Variants in SOX5 observed in about 807,000 individuals in gnomAD.
The protein encoded by SOX5 is transcription factor SOX-5.
A neutral mutation model predicts 92.0 loss-of-function variants in SOX5; 9 were observed. The ratio of observed to expected loss-of-function variants is 0.10; its 90% CI spans 0.06 to 0.17. SOX5 has a LOEUF of 0.17. SOX5 is among the 10% of genes least tolerant of loss of function. The pLI, the probability that SOX5 is intolerant of heterozygous loss-of-function variation, is 1.00. For synonymous variants in SOX5, 344 were observed against 336.3 expected (o/e 1.02, Z -0.25); for missense variants, 642 against 944.5 (o/e 0.68, Z 4.20).
chr12:24,339,163 C>CCACACACACACACACACACA (rs56243419), intron 2 of SOX5, among the ~76,000 whole-genome samples: 18 of 140,382 alleles, frequency 1.3e-4, no homozygotes, highest in Admixed American at 2.9e-4. Flanking sequence ...TCTCTCTCTG[C>CCACACACACACACACACACA]CACACACACA....
intron 1 of SOX5, among the ~76,000 whole-genome samples, chr12:24,507,012 G>C (rs555460350): frequency 3.5e-4 from 53 of 151,674 alleles, no homozygotes; most frequent in Non-Finnish European, 7.2e-4. Flanking sequence ...GGATGGTCTC[G>C]ATTTCCTGAC....
At chr12:24,215,978 A>C (rs1400294449) in intron 3 of SOX5, among the ~76,000 whole-genome samples, 2 of 152,206 alleles carry the variant, frequency 1.3e-5, no homozygotes, top group Non-Finnish European at 2.9e-5. Flanking sequence ...ATTTTTGATA[A>C]GGTTGCCCAG....
At chr12:24,512,283 C>G (rs1949394593) in intron 1 of SOX5, among the ~76,000 whole-genome samples, 1 of 152,164 alleles carries the variant, frequency 6.6e-6, no homozygotes, top group African/African-American at 2.4e-5. Context: ...CTTGATCTAT[C>G]TACTACTGGA....
At chr12:23,781,656 A>G (rs2095281954) in intron 3 of SOX5, among the ~76,000 whole-genome samples, 1 of 151,662 alleles carries the variant, frequency 6.6e-6, no homozygotes, top group Non-Finnish European at 1.5e-5. Flanking sequence ...GCACATTATA[A>G]TGTGTTGTAC....
Position 24,086,940 on chromosome 12 carries a change from C to T in SOX5, c.-2+126403G>A, listed in dbSNP as rs146734463. Among the ~76,000 whole-genome samples the T allele has an allele frequency of 3.4e-3, 524 of 152,110 alleles. 6 individuals carry two copies. The highest frequency in any genetic ancestry group is 0.012 in the African/African-American group (498 of 41,530). On this transcript the variant is annotated intron_variant, in intron 4 of 4. Coordinates refer to the SOX5 transcript ENST00000446891. ...CACAAGTGGTATTTCAACAATAGTT[C>T]GGAATGTACCAATCAAAAAGAGGGT... is the stretch of plus-strand genomic sequence containing the variant.
At chr12:24,360,985 T>C (rs1235945225) in intron 2 of SOX5, among the ~76,000 whole-genome samples, 3 of 152,144 alleles carry the variant, frequency 2.0e-5, no homozygotes, top group Admixed American at 6.5e-5. Flanking sequence ...GATGACAAAA[T>C]TGAAAGACGC....
At chr12:23,848,761 T>C (rs1306714599) in intron 2 of SOX5, among the ~76,000 whole-genome samples, 2 of 152,194 alleles carry the variant, frequency 1.3e-5, no homozygotes, top group African/African-American at 4.8e-5. Flanking sequence ...CAGCAATATC[T>C]ATTTAATCAA....
intron 2 of SOX5, among the ~76,000 whole-genome samples, chr12:24,362,176 T>C (rs1298424429): frequency 6.6e-6 from 1 of 152,184 alleles, no homozygotes; most frequent in African/African-American, 2.4e-5. Context: ...GTATATTCTT[T>C]CCCATGCATG....
intron 4 of SOX5, among the ~76,000 whole-genome samples, chr12:24,136,332 C>T (rs927817254): frequency 2.6e-5 from 4 of 152,168 alleles, no homozygotes; most frequent in African/African-American, 9.7e-5. Flanking sequence ...TACTGCAGTC[C>T]CAAATCCCAT....
chr12:23,992,432 C>T (rs1193155670), intron 4 of SOX5, among the ~76,000 whole-genome samples: 1 of 152,050 alleles, frequency 6.6e-6, no homozygotes, highest in African/African-American at 2.4e-5. Context: ...ATTAAAAAGA[C>T]AAGGTTTCAT....
intron 4 of SOX5, among the ~76,000 whole-genome samples, chr12:24,092,437 T>C (rs927900040): frequency 3.3e-5 from 5 of 152,200 alleles, no homozygotes; most frequent in Admixed American, 1.3e-4. Flanking sequence ...CAGTAAGTGA[T>C]GCCTCCTAAT....
intron 2 of SOX5, among the ~76,000 whole-genome samples, chr12:23,872,707 T>G (rs1237020810): frequency 4.6e-5 from 7 of 152,196 alleles, no homozygotes; most frequent in African/African-American, 1.4e-4. Context: ...TGGTAACCAT[T>G]TAATATATAG....
At chr12:24,039,928 A>C (rs1329904728) in intron 4 of SOX5, among the ~76,000 whole-genome samples, 1 of 152,184 alleles carries the variant, frequency 6.6e-6, no homozygotes, top group Non-Finnish European at 1.5e-5. Flanking sequence ...AGAAGTGAAC[A>C]CTTGTTTCCC....
At chr12:24,053,179 C>T (rs1233460412) in intron 4 of SOX5, among the ~76,000 whole-genome samples, 1 of 100,902 alleles carries the variant, frequency 9.9e-6, no homozygotes, top group Non-Finnish European at 2.5e-5. Context: ...CTACTGCACG[C>T]CCCCCCCCTT....
intron 2 of SOX5, chr12:24,368,309 T>C (rs1956370089): frequency 6.6e-6 from 1 of 152,214 alleles, no homozygotes; most frequent in Non-Finnish European, 1.5e-5. Context: ...CATGTCTCAG[T>C]GGCTTTTTAA....
intron 4 of SOX5, among the ~76,000 whole-genome samples, chr12:24,031,811 C>T (rs747549934): frequency 4.6e-5 from 7 of 151,310 alleles, no homozygotes; most frequent in East Asian, 1.9e-4. Flanking sequence ...TAACAATGTG[C>T]GGAGAATGGC....
At chr12:24,162,977 A>G (rs1952939964) in intron 4 of SOX5, among the ~76,000 whole-genome samples, 1 of 152,044 alleles carries the variant, frequency 6.6e-6, no homozygotes, top group Admixed American at 6.6e-5. Flanking sequence ...AATGTAGGTA[A>G]ATGAGCTCTG....
intron 1 of SOX5, among the ~76,000 whole-genome samples, chr12:24,453,038 T>C (rs1942538033): frequency 6.6e-6 from 1 of 152,198 alleles, no homozygotes; most frequent in Non-Finnish European, 1.5e-5. Context: ...AAGTACCTTC[T>C]TCTTATATTT....
chr12:24,100,425 C>A (rs796374785), intron 4 of SOX5, among the ~76,000 whole-genome samples: 22 of 152,244 alleles, frequency 1.4e-4, no homozygotes, highest in African/African-American at 5.1e-4. Flanking sequence ...TATATCTTGG[C>A]AGCATTAACA....
Sources: gnomAD v4.1 joint callset for allele counts (sites outside exome capture counted in the v4.1 genomes callset) on GRCh38, gnomAD v4.1.1 for gene constraint, MANE v1.5 for transcripts, NCBI Gene and HGNC (gene_info 2026-07-23, HGNC 2026-07-21) for gene names.